Variants in PITPNC1 observed in about 807,000 individuals in gnomAD.
PITPNC1 encodes the protein phosphatidylinositol transfer protein cytoplasmic 1.
A neutral mutation model predicts 44.7 loss-of-function variants in PITPNC1; 18 were observed. The observed-to-expected ratio is 0.40, with a 90% CI of 0.28 to 0.60. The LOEUF is 0.60. PITPNC1 is among the 20% of genes least tolerant of loss of function. The pLI, the probability that PITPNC1 is intolerant of heterozygous loss-of-function variation, is 0.39. For missense variants in PITPNC1, 290 were observed against 418.4 expected, an observed-to-expected ratio of 0.69 and a Z score of 2.68; for synonymous variants, 141 against 149.6, an observed-to-expected ratio of 0.94 and a Z score of 0.42.
At chr17:67,629,629 A>G (rs563279522) in intron 5 of PITPNC1, among the ~76,000 whole-genome samples, 1 of 152,372 alleles carries the variant, frequency 6.6e-6, no homozygotes, top group South Asian at 2.1e-4. Context: ...GCTCATACTT[A>G]AAAGAGATTT....
intron 5 of PITPNC1, among the ~76,000 whole-genome samples, chr17:67,591,266 G>C (rs149270781): frequency 6.6e-6 from 1 of 152,128 alleles, no homozygotes; most frequent in African/African-American, 2.4e-5. Flanking sequence ...ACAAAGAAAG[G>C]CTGATGAATT....
At chr17:67,411,134 T>C (rs995450460) in intron 1 of PITPNC1, among the ~76,000 whole-genome samples, 1 of 147,566 alleles carries the variant, frequency 6.8e-6, no homozygotes, top group Non-Finnish European at 1.5e-5. Flanking sequence ...GAATGGGAGG[T>C]GGGAGTGCTT....
At chr17:67,436,955 G>A (rs2038947633) in intron 1 of PITPNC1, among the ~76,000 whole-genome samples, 1 of 110,558 alleles carries the variant, frequency 9.0e-6, no homozygotes, top group African/African-American at 3.6e-5. Context: ...ATCTCACTCT[G>A]CTTGCCCAGG....
chr17:67,507,142 A>G (rs1380964545), intron 1 of PITPNC1, among the ~76,000 whole-genome samples: 1 of 152,152 alleles, frequency 6.6e-6, no homozygotes, highest in African/African-American at 2.4e-5. Flanking sequence ...CAGGGCCTTG[A>G]TGGAAGAGTA....
At chr17:67,494,191 T>TTC (rs1198813133) in intron 1 of PITPNC1, among the ~76,000 whole-genome samples, 5 of 141,662 alleles carry the variant, frequency 3.5e-5, no homozygotes, top group South Asian at 2.3e-4. Context: ...TTCTTTTTCT[T>TTC]TCTTTCTTTC....
chr17:67,566,896 G>T (rs1319064900), intron 4 of PITPNC1, among the ~76,000 whole-genome samples: 1 of 152,202 alleles, frequency 6.6e-6, no homozygotes, highest in African/African-American at 2.4e-5. Flanking sequence ...AGACAGCCTG[G>T]CTTGAATCCC....
chr17:67,536,176 A>G (rs969086412), intron 2 of PITPNC1, among the ~76,000 whole-genome samples: 1 of 152,240 alleles, frequency 6.6e-6, no homozygotes, highest in African/African-American at 2.4e-5. Flanking sequence ...TCAATAACAC[A>G]GAAGATGGGA....
intron 1 of PITPNC1, among the ~76,000 whole-genome samples, chr17:67,532,083 G>C (rs2040469729): frequency 6.6e-6 from 1 of 152,152 alleles, no homozygotes; most frequent in South Asian, 2.1e-4. Context: ...TTTAGGGTAA[G>C]ACAGGTGACT....
At chr17:67,553,742 AT>A in intron 4 of PITPNC1, 125 bp downstream of exon 4, 1 of 442,302 alleles carries the variant, frequency 2.3e-6, no homozygotes, top group South Asian at 6.3e-5. Flanking sequence ...AGTCAGAAAT[AT>A]TTAAATGTAG....
intron 1 of PITPNC1, among the ~76,000 whole-genome samples, chr17:67,391,567 G>A (rs1413027583): frequency 1.3e-5 from 2 of 152,080 alleles, no homozygotes; most frequent in South Asian, 2.1e-4. Context: ...TGCAACCTCC[G>A]CCTCCTGGGT....
intron 1 of PITPNC1, among the ~76,000 whole-genome samples, chr17:67,397,954 G>T (rs911120820): frequency 8.5e-5 from 13 of 152,108 alleles, no homozygotes; most frequent in Non-Finnish European, 1.8e-4. Context: ...TTAGCCGGGC[G>T]TGGTGGCGGG....
intron 2 of PITPNC1, among the ~76,000 whole-genome samples, chr17:67,547,467 G>C (rs114468864): frequency 3.3e-5 from 5 of 152,156 alleles, no homozygotes; most frequent in Non-Finnish European, 7.3e-5. Flanking sequence ...AGTGAGATAC[G>C]ATCATGCCAC....
At chr17:67,405,124 G>A (rs8075329) in intron 1 of PITPNC1, among the ~76,000 whole-genome samples, 76,519 of 151,768 alleles carry the variant, frequency 0.5, 20,198 homozygotes, top group African/African-American at 0.67. Flanking sequence ...GCGCACACCT[G>A]TAATCCCAGC....
At chr17:67,420,534 G>A (rs2038658174) in intron 1 of PITPNC1, among the ~76,000 whole-genome samples, 1 of 151,572 alleles carries the variant, frequency 6.6e-6, no homozygotes, top group Non-Finnish European at 1.5e-5. Context: ...CTTGGGTCAA[G>A]CGAGCCTCTC....
At chr17:67,564,190 T>TGGAC (rs2040944273) in intron 4 of PITPNC1, among the ~76,000 whole-genome samples, 1 of 151,624 alleles carries the variant, frequency 6.6e-6, no homozygotes, top group African/African-American at 2.4e-5. Flanking sequence ...GATGGATGGA[T>TGGAC]GGATGGATGG....
intron 2 of PITPNC1, among the ~76,000 whole-genome samples, chr17:67,543,905 C>T (rs1464058381): frequency 1.3e-5 from 2 of 152,078 alleles, no homozygotes; most frequent in African/African-American, 2.4e-5. Context: ...GGCAGGAGTG[C>T]GGTGCTGTAA....
chr17:67,402,515 G>A (rs944491070), intron 1 of PITPNC1, among the ~76,000 whole-genome samples: 1 of 127,950 alleles, frequency 7.8e-6, no homozygotes, highest in Non-Finnish European at 1.6e-5. Context: ...CCGCCCCTCC[G>A]CCATTTCCTG....
In PITPNC1 at chr17:67,695,680, T is replaced by C. The variant is rs2042999797; in HGVS notation, c.*2792T>C. The C allele has an allele frequency of 6.6e-6, 1 of 151,090 alleles. No homozygotes were observed. The highest frequency in any genetic ancestry group is 2.4e-5 in the African/African-American group (1 of 41,224). 9.4% of individuals were successfully genotyped at this position (151,090 alleles called of 1,614,324 possible). On this transcript the variant is annotated 3_prime_UTR_variant, in exon 9 of 9. Coordinates refer to ENST00000581322, the MANE Select transcript of PITPNC1 (RefSeq NM_012417.4). ...TCAGACACCATCAGTTTTAAGTCTC[T>C]GGTAGCCAAACTTAAATAAATAATC...
intron 1 of PITPNC1, among the ~76,000 whole-genome samples, chr17:67,449,850 A>T (rs2039151241): frequency 6.6e-6 from 1 of 152,212 alleles, no homozygotes; most frequent in Non-Finnish European, 1.5e-5. Flanking sequence ...GTTAGCTCAG[A>T]TTTTAAAAAA....
Sources: gnomAD v4.1 joint callset for allele counts (sites outside exome capture counted in the v4.1 genomes callset) on GRCh38, gnomAD v4.1.1 for gene constraint, MANE v1.5 for transcripts, NCBI Gene and HGNC (gene_info 2026-07-23, HGNC 2026-07-21) for gene names.